The following MORF4L1 variants were observed in gnomAD, a reference collection of about 807,000 sequenced individuals.
The protein encoded by MORF4L1 is mortality factor 4 like 1, also known as mortality factor 4-like protein 1.
A neutral mutation model predicts 52.9 loss-of-function variants in MORF4L1; 4 were observed. The ratio of observed to expected loss-of-function variants is 0.08; its 90% CI spans 0.04 to 0.17. The LOEUF (loss-of-function observed/expected upper bound fraction) is 0.17. Ranked by LOEUF, MORF4L1 falls within the 10% of genes least tolerant of loss-of-function variation. The probability of loss-of-function intolerance (pLI) is 1.00; values close to 1 mark genes in which losing one functional copy is unlikely to be tolerated. For synonymous variants in MORF4L1, 123 were observed against 134.8 expected, an observed-to-expected ratio of 0.91 and a Z score of 0.61; for missense variants, 214 against 390.4, an observed-to-expected ratio of 0.55 and a Z score of 3.81.
At chr15:78,878,179 A>T in intron 1 of MORF4L1, 34 bp from the exon 2 acceptor site, 1 of 1,591,198 alleles carries the variant, frequency 6.3e-7, no homozygotes, top group South Asian at 1.2e-5. Flanking sequence ...ATATGAGAAG[A>T]AATTACAATT....
At position 78,894,208 on chromosome 15, in the gene MORF4L1, G is replaced by A. The variant is rs765176747; in HGVS notation, c.780G>A (p.Ala260=). 9.9e-6 allele frequency: 16 copies of A among 1,610,340 alleles called. No homozygotes were observed. The highest frequency in any genetic ancestry group is 6.6e-5 in the South Asian group (6 of 90,436). The part of the protein sequence containing the change: ...PDAPMSQVYG[A]PHLLRLFVRI... ...CACCCATGTCCCAGGTGTATGGAGC[G>A]CCACATCTCCTGAGATTATTTGGTA... is the stretch of plus-strand genomic sequence containing the variant. Residue 260 remains alanine, a synonymous_variant, in exon 10 of 12, where the codon GCG becomes GCA. Coordinates refer to ENST00000426013, the MANE Select transcript of MORF4L1 (RefSeq NM_006791.4).
chr15:78,875,360 A>C (rs908199160), intron 1 of MORF4L1, among the ~76,000 whole-genome samples: 31 of 152,226 alleles, frequency 2.0e-4, no homozygotes, highest in Non-Finnish European at 4.3e-4. Context: ...GTAGGAACCA[A>C]GGTATCCCCA....
intron 3 of MORF4L1, among the ~76,000 whole-genome samples, chr15:78,880,790 TTGTTA>T (rs2056587342): frequency 6.6e-6 from 1 of 152,276 alleles, no homozygotes; most frequent in Non-Finnish European, 1.5e-5. Flanking sequence ...TTGGGAATAT[TTGTTA>T]TGTTCTAGTG....
At chr15:78,888,690 T>C (rs2141476988) in intron 5 of MORF4L1, among the ~76,000 whole-genome samples, 1 of 152,322 alleles carries the variant, frequency 6.6e-6, no homozygotes, top group Non-Finnish European at 1.5e-5. Context: ...TGCAGTGATC[T>C]GTGATTGCAC....
At chr15:78,889,358 T>G (rs2056760262) in intron 5 of MORF4L1, among the ~76,000 whole-genome samples, 1 of 152,218 alleles carries the variant, frequency 6.6e-6, no homozygotes, top group African/African-American at 2.4e-5. Flanking sequence ...TTTTGGATTT[T>G]GAAATGTTTG....
At chr15:78,879,613 C>T (rs1234547980) in intron 2 of MORF4L1, among the ~76,000 whole-genome samples, 1 of 152,046 alleles carries the variant, frequency 6.6e-6, no homozygotes, top group Admixed American at 6.6e-5. Flanking sequence ...GTACATACAT[C>T]TTAATGATAT....
chr15:78,882,941 G>A (rs566587799), intron 3 of MORF4L1, among the ~76,000 whole-genome samples: 1 of 152,296 alleles, frequency 6.6e-6, no homozygotes, highest in South Asian at 2.1e-4. Flanking sequence ...GAGGCTGGGT[G>A]TAGTGGCTCA....
chr15:78,894,985 CATT>C (rs1391272326), intron 11 of MORF4L1, 81 bp downstream of exon 11: 3 of 1,112,740 alleles, frequency 2.7e-6, no homozygotes, highest in East Asian at 4.8e-5. Flanking sequence ...GATGCTAAAA[CATT>C]AAACATTATA....
At chr15:78,873,310 G>C (rs1349410963) in intron 1 of MORF4L1, 27 of 1,188,328 alleles carry the variant, frequency 2.3e-5, no homozygotes, top group Admixed American at 6.8e-5. Context: ...GCACACCCTC[G>C]TCAAGTGTTT....
At chr15:78,882,643 A>C (rs1427422855) in intron 3 of MORF4L1, among the ~76,000 whole-genome samples, 8 of 152,088 alleles carry the variant, frequency 5.3e-5, no homozygotes, top group Admixed American at 3.9e-4. Flanking sequence ...GTGTTAGGAG[A>C]ATTTCATTTC....
chr15:78,874,404 T>C (rs1188955881), intron 1 of MORF4L1, among the ~76,000 whole-genome samples: 1 of 152,084 alleles, frequency 6.6e-6, no homozygotes, highest in East Asian at 1.9e-4. Context: ...TTTGAGACGA[T>C]GTTTGTCACC....
intron 2 of MORF4L1, among the ~76,000 whole-genome samples, chr15:78,879,789 A>AAG (rs1428180704): frequency 8.0e-4 from 121 of 152,066 alleles, no homozygotes; most frequent in African/African-American, 2.8e-3. Context: ...AAAAAAAAAA[A>AAG]ATTATGTCCT....
rs1196664935 is a variant in MORF4L1, at chr15:78,887,187, A to G, written c.243-82A>G. The G allele has an allele frequency of 5.0e-6, 6 of 1,197,088 alleles. No homozygotes were observed. The South Asian group carries it at 5.4e-5, about 11-fold the overall frequency. The allele number at this position is 1,197,088 out of a possible 1,614,324, so 74.2% of individuals were successfully genotyped here. ...ACTTGTTGCCAGAATTTGAATGTAA[A>G]TTCCTAATGGAATCAGGCTGACAAT... On this transcript the variant is annotated intron_variant, in intron 4 of 11. Coordinates refer to ENST00000426013, the MANE Select transcript of MORF4L1 (RefSeq NM_006791.4).
chr15:78,891,083 GC>G (rs765756031), intron 6 of MORF4L1, 69 bp downstream of exon 6: 4 of 1,429,630 alleles, frequency 2.8e-6, no homozygotes, highest in Non-Finnish European at 2.9e-6. Context: ...TATTTTGAAA[GC>G]TATGAAATTT....
chr15:78,876,630 A>G (rs1457411310), intron 1 of MORF4L1: 1 of 455,448 alleles, frequency 2.2e-6, no homozygotes, highest in African/African-American at 2.0e-5. Flanking sequence ...CAGGAGAGTG[A>G]AATTAGGAAA....
chr15:78,887,716 G>A (rs1183973009), intron 5 of MORF4L1, among the ~76,000 whole-genome samples: 1 of 152,204 alleles, frequency 6.6e-6, no homozygotes, highest in African/African-American at 2.4e-5. Context: ...TGAAACTCAT[G>A]GTAAGAATAT....
chr15:78,894,440 T>TCA lies in MORF4L1; in HGVS notation c.802+211_802+212insAC, dbSNP rs1567318901. The TCA allele has an allele frequency of 8.5e-5, 33 of 386,104 alleles. 1 individual carries two copies. Among genetic ancestry groups the TCA allele is most frequent in the South Asian group, 1.5e-4 (3 of 20,014 alleles). The allele number at this position is 386,104 out of a possible 1,614,324, so 23.9% of individuals were successfully genotyped here. A position where few individuals can be genotyped will look rare whatever the true frequency, so the allele number is the denominator to read the frequency against. On this transcript the variant is annotated intron_variant, in intron 10 of 11. Coordinates refer to ENST00000426013, the MANE Select transcript of MORF4L1 (RefSeq NM_006791.4). Reference sequence around the variant, plus strand: ...AATTTTTTTTTTTTGAGACAGACAGTCTCTGTTGCCCAGGCTGGAGTGCAG... The same window carrying TCA: ...AATTTTTTTTTTTTGAGACAGACAGTCACTCTGTTGCCCAGGCTGGAGTGCAG...
At chr15:78,884,325 A>G (rs901352511) in intron 3 of MORF4L1, among the ~76,000 whole-genome samples, 8 of 152,090 alleles carry the variant, frequency 5.3e-5, no homozygotes, top group African/African-American at 1.7e-4. Context: ...CAGCCTGGCC[A>G]TGGTGGTGAA....
At chr15:78,875,906 A>G (rs1457303071) in intron 1 of MORF4L1, among the ~76,000 whole-genome samples, 1 of 152,154 alleles carries the variant, frequency 6.6e-6, no homozygotes, top group Non-Finnish European at 1.5e-5. Context: ...ATGGTAGAGA[A>G]AAGAGTGGCG....
Sources: allele counts gnomAD v4.1 joint callset (sites outside exome capture counted in the v4.1 genomes callset), GRCh38; gene constraint gnomAD v4.1.1; transcripts MANE v1.5; gene names NCBI Gene and HGNC (gene_info 2026-07-23, HGNC 2026-07-21).